FAM186A: variants seen among roughly 807,000 people sequenced by gnomAD.
FAM186A encodes family with sequence similarity 186 member A.
In FAM186A, 163 loss-of-function variants were observed where a neutral mutation model predicts 216.8. The observed-to-expected ratio is 0.75, with a 90% CI of 0.66 to 0.86. The LOEUF (loss-of-function observed/expected upper bound fraction) is 0.86, where lower values mean the gene tolerates loss of function less well. Among genes scored for constraint, FAM186A ranks in the 40% least tolerant of loss-of-function variants. The pLI, the probability that FAM186A is intolerant of heterozygous loss-of-function variation, is 0.00. For missense variants in FAM186A, 2,184 were observed against 2,746.2 expected (o/e 0.80, Z 4.58); for synonymous variants, 805 against 1,025.3 (o/e 0.79, Z 4.10).
At chr12:50,394,733 T>A (rs1439122219) in intron 1 of FAM186A, among the ~76,000 whole-genome samples, 1 of 17,790 alleles carries the variant, frequency 5.6e-5, no homozygotes, top group African/African-American at 1.1e-4. Context: ...GCTAACACTC[T>A]TTTTTTTTTT....
At chr12:50,372,856 G>T (rs1453911784) in intron 1 of FAM186A, among the ~76,000 whole-genome samples, 1 of 147,376 alleles carries the variant, frequency 6.8e-6, no homozygotes. Flanking sequence ...AGCCGAGATG[G>T]TGCCACTGCA....
chr12:50,345,855 A>G (rs1364817090), intron 4 of FAM186A, among the ~76,000 whole-genome samples: 1 of 152,016 alleles, frequency 6.6e-6, no homozygotes, highest in African/African-American at 2.4e-5. Flanking sequence ...TTCCATATGA[A>G]TTTTACAATA....
intron 1 of FAM186A, among the ~76,000 whole-genome samples, chr12:50,385,751 A>G (rs757021242): frequency 6.6e-6 from 1 of 151,470 alleles, no homozygotes; most frequent in Non-Finnish European, 1.5e-5. Context: ...AAATAGAAAA[A>G]CTTAGCCAGG....
chr12:50,336,770 A>T (rs1009913344), intron 4 of FAM186A, among the ~76,000 whole-genome samples: 12 of 151,942 alleles, frequency 7.9e-5, no homozygotes, highest in Non-Finnish European at 1.5e-5. Context: ...ATGGTTGGAT[A>T]GTGAAAGATG....
In FAM186A at chr12:50,370,193, A is replaced by G. The variant is rs1350722936; in HGVS notation, c.193-6829T>C. Among the ~76,000 whole-genome samples the G allele has an allele frequency of 3.4e-5, 5 of 149,164 alleles. No homozygotes were observed. The South Asian group carries it at 6.5e-4, about 19-fold the overall frequency. ...GTGGCACACTCCTGTAATCCCAGCT[A>G]CTTGGGTGGCTGAGGCACAAGAATC... On this transcript the variant is annotated intron_variant, in intron 1 of 7. Transcript: ENST00000327337.
intron 6 of FAM186A, among the ~76,000 whole-genome samples, chr12:50,331,084 A>C (rs146817923): frequency 0.021 from 3,122 of 152,292 alleles, 105 homozygotes; most frequent in African/African-American, 0.072. Flanking sequence ...GAAAAAGAGA[A>C]GATAATGCTT....
chr12:50,331,707 C>T lies in FAM186A; in HGVS notation c.6811G>A (p.Glu2271Lys). The stretch of plus-strand genomic sequence containing the variant: ...CATATGTCAGAGGTTCTGTCCTCTT[C>T]CATTAGTAATTTTAAGAATGGCTTT... ...VQKPFLKLLM[E>K]EDRTSDICKK... is the part of the protein sequence containing the mutation. The change falls in exon 6 of 8, where the codon GAA becomes AAA. Residue 2271 changes from glutamate (E) to lysine (K), a missense_variant. Physicochemically the swap from Glu to Lys is moderately conservative, Grantham distance 56. Transcript: ENST00000327337. The T allele has an allele frequency of 6.5e-7, 1 of 1,547,110 alleles. No homozygotes were observed. The highest frequency in any genetic ancestry group is 1.7e-4 in the Middle Eastern group (1 of 5,964).
At chr12:50,388,593 T>C (rs1442651265) in intron 1 of FAM186A, among the ~76,000 whole-genome samples, 1 of 145,330 alleles carries the variant, frequency 6.9e-6, no homozygotes, top group Non-Finnish European at 1.5e-5. Context: ...CACTCCAGTG[T>C]GGGCAACAAG....
At position 50,331,807 on chromosome 12, in the gene FAM186A, A is replaced by T. The variant is rs1246217515; in HGVS notation, c.6711T>A (p.His2237Gln). 4 of 1,529,454 alleles carry T rather than the reference A, an allele frequency of 2.6e-6. No individual in the cohort carries two copies. Among genetic ancestry groups the T allele is most frequent in the Admixed American group, 4.6e-5 (2 of 43,312 alleles). The allele number at this position is 1,529,454 out of a possible 1,614,324, so 94.7% of individuals were successfully genotyped here. ...GGATAGGTTGACTAAGATTCAATTC[A>T]TGTATCTTTTTGAGCTATAAAAAAA... is the stretch of plus-strand genomic sequence containing the variant. ...IHVFNQLKKI[H>Q]ELNLSQPIPL... The change falls in exon 6 of 8, where the codon CAT (histidine) becomes CAA (glutamine). Residue 2237 changes from histidine to glutamine, a missense_variant. By Grantham distance (24) the His-to-Gln change is conservative. Coordinates refer to ENST00000327337, the MANE Select transcript of FAM186A (RefSeq NM_001145475.3).
intron 1 of FAM186A, among the ~76,000 whole-genome samples, chr12:50,378,358 G>A (rs1225442405): frequency 3.3e-5 from 5 of 151,224 alleles, no homozygotes; most frequent in Admixed American, 2.6e-4. Flanking sequence ...GTGAAACCCT[G>A]TCTCTACTAA....
intron 7 of FAM186A, among the ~76,000 whole-genome samples, chr12:50,329,466 T>TG (rs1942634726): frequency 6.6e-6 from 1 of 152,212 alleles, no homozygotes; most frequent in Non-Finnish European, 1.5e-5. Flanking sequence ...CATAAACTCG[T>TG]GCTCATGATA....
In FAM186A at chr12:50,351,409, G is replaced by T. The variant is rs753216652; in HGVS notation, c.5423C>A (p.Ser1808Tyr). The T allele has an allele frequency of 6.8e-7, 1 of 1,467,434 alleles. No individual in the cohort carries two copies. The highest frequency in any genetic ancestry group is 9.0e-7 in the Non-Finnish European group (1 of 1,110,540). The allele number at this position is 1,467,434 out of a possible 1,614,324, so 90.9% of individuals were successfully genotyped here. Residue 1808 changes from serine to tyrosine, a missense_variant, in exon 4 of 8, where the codon TCC becomes TAC. Physicochemically the swap from Ser to Tyr is moderately radical, Grantham distance 144. Around this residue, in one of 7 missense-constraint regions of FAM186A, gnomAD observed 721 missense variants for 816.4 expected, o/e 0.88. Coordinates refer to ENST00000327337, the MANE Select transcript of FAM186A (RefSeq NM_001145475.3). ...TGGTGCCGGGAACTGCGCAGAAGTGGATTGACCTCCGTATACCAGGGTCTG... is the reference window on the plus strand; with the variant it reads ...TGGTGCCGGGAACTGCGCAGAAGTGTATTGACCTCCGTATACCAGGGTCTG... The part of the protein sequence containing the change: ...SGQTLVYGGQ[S>Y]TSAQFPAPQA...
intron 1 of FAM186A, among the ~76,000 whole-genome samples, chr12:50,372,476 CCCAGCT>C (rs1333278071): frequency 2.6e-4 from 40 of 151,842 alleles, no homozygotes; most frequent in African/African-American, 7.5e-4. Flanking sequence ...CACCTGTAAT[CCCAGCT>C]ACTTGGGAGG....
rs767560347 is a variant in FAM186A at position 50,352,723 on chromosome 12, G to A, written c.4109C>T (p.Ala1370Val). The A allele has an allele frequency of 9.2e-5, 138 of 1,504,656 alleles. No homozygotes were observed. The highest frequency in any genetic ancestry group is 6.1e-5 in the Non-Finnish European group (69 of 1,124,744). 93.2% of individuals were successfully genotyped at this position (1,504,656 alleles called of 1,614,324 possible). The change falls in exon 4 of 8, where the codon GCC becomes GTC. Residue 1370 changes from alanine to valine, a missense_variant. By Grantham distance (64) the Ala-to-Val change is moderately conservative. Transcript: ENST00000327337. ...GIPLTPQHAQ[A>V]LGMPLTTQQA... ...CTGAGTGGTGAGAGGCATCCCCAAGGCCTGAGCGTGCTGAGGGGTGAGAGG... is the reference window on the plus strand; with the variant it reads ...CTGAGTGGTGAGAGGCATCCCCAAGACCTGAGCGTGCTGAGGGGTGAGAGG...
At chr12:50,336,508 C>G (rs986712379) in intron 4 of FAM186A, among the ~76,000 whole-genome samples, 1 of 152,058 alleles carries the variant, frequency 6.6e-6, no homozygotes, top group African/African-American at 2.4e-5. Context: ...CTTCTCCATA[C>G]CTTTTGAATC....
intron 7 of FAM186A, among the ~76,000 whole-genome samples, chr12:50,329,406 AG>A (rs1942634213): frequency 6.6e-6 from 1 of 152,178 alleles, no homozygotes. Context: ...ATAACCTAAG[AG>A]TCATGCTTAT....
At chr12:50,375,533 G>C (rs1181222904) in intron 1 of FAM186A, among the ~76,000 whole-genome samples, 4 of 147,626 alleles carry the variant, frequency 2.7e-5, no homozygotes, top group Admixed American at 6.8e-5. Flanking sequence ...TGGGCAACAA[G>C]AGCGAAGCTC....
intron 4 of FAM186A, among the ~76,000 whole-genome samples, chr12:50,339,223 C>T (rs942094991): frequency 6.6e-6 from 1 of 152,084 alleles, no homozygotes; most frequent in Non-Finnish European, 1.5e-5. Context: ...CACTATGTTG[C>T]CCAGGCTGGT....
intron 1 of FAM186A, chr12:50,365,935 T>C: frequency 1.3e-6 from 1 of 763,232 alleles, no homozygotes. Context: ...GGCACAACTG[T>C]CCATGTGGGC....
Sources: gnomAD v4.1 joint callset for allele counts (sites outside exome capture counted in the v4.1 genomes callset) on GRCh38, gnomAD v4.1.1 for gene constraint, gnomAD v4.1.1 regional missense constraint, MANE v1.5 for transcripts, NCBI Gene and HGNC (gene_info 2026-07-23, HGNC 2026-07-21) for gene names.